The following PTPRQ variants were observed in gnomAD, a reference collection of about 807,000 sequenced individuals.
The protein encoded by PTPRQ is protein tyrosine phosphatase receptor type Q.
PTPRQ carries 199 observed loss-of-function variants against 246.0 expected under a neutral mutation model. The ratio of observed to expected loss-of-function variants is 0.81; its 90% CI spans 0.72 to 0.91. The LOEUF is 0.91. PTPRQ is among the 40% of genes least tolerant of loss of function. The pLI, the probability that PTPRQ is intolerant of heterozygous loss-of-function variation, is 0.00. For synonymous variants in PTPRQ, 869 were observed against 853.2 expected (o/e 1.02, Z -0.32); for missense variants, 2,624 against 2,528.4 (o/e 1.04, Z -0.81).
chr12:80,623,363 G>A (rs1899069183), intron 33 of PTPRQ, among the ~76,000 whole-genome samples: 1 of 152,106 alleles, frequency 6.6e-6, no homozygotes, highest in African/African-American at 2.4e-5. Context: ...TGGCTAAAAT[G>A]TTTGTTTAAT....
chr12:80,541,677 C>G lies in PTPRQ; in HGVS notation c.3277C>G (p.Gln1093Glu), dbSNP rs1025778801. The change falls in exon 21 of 45, where the codon CAG (glutamine) becomes GAG (glutamate). Residue 1093 changes from glutamine to glutamate, a missense_variant. Transcript: ENST00000644991. Reference protein sequence around the residue: ...LVFYYVSLILQQTPRHVRPPL... With the variant: ...LVFYYVSLILEQTPRHVRPPL... ...CTTCTACTATGTTTCACTGATCTTA[C>G]AGCAGACTCCTCGCCATGTGAGACC... 5.2e-6 allele frequency: 8 copies of G among 1,551,218 alleles called. No individual in the cohort carries two copies. Among genetic ancestry groups the G allele is most frequent in the Non-Finnish European group, 6.1e-6 (7 of 1,146,746 alleles).
intron 6 of PTPRQ, among the ~76,000 whole-genome samples, chr12:80,467,774 G>T (rs1168624471): frequency 2.6e-5 from 4 of 151,222 alleles, no homozygotes; most frequent in Non-Finnish European, 4.4e-5. Flanking sequence ...ACCAAACACC[G>T]CATATTCTCA....
intron 39 of PTPRQ, among the ~76,000 whole-genome samples, chr12:80,664,504 T>C (rs968990252): frequency 2.0e-5 from 3 of 152,022 alleles, no homozygotes; most frequent in African/African-American, 4.8e-5. Flanking sequence ...GAATTCTCCC[T>C]TCTGCATCAT....
At chr12:80,552,812 C>T (rs1265954427) in intron 25 of PTPRQ, among the ~76,000 whole-genome samples, 6 of 151,390 alleles carry the variant, frequency 4.0e-5, no homozygotes, top group Non-Finnish European at 8.8e-5. Flanking sequence ...GAACTATGTA[C>T]TTTCCTACTA....
intron 33 of PTPRQ, among the ~76,000 whole-genome samples, chr12:80,624,804 C>A (rs1296745506): frequency 1.3e-5 from 2 of 152,092 alleles, no homozygotes; most frequent in Admixed American, 6.5e-5. Context: ...CAGGGGTGTC[C>A]AATCTATTGG....
intron 25 of PTPRQ, among the ~76,000 whole-genome samples, chr12:80,569,162 A>C (rs547091847): frequency 6.8e-6 from 1 of 146,208 alleles, no homozygotes; most frequent in Non-Finnish European, 1.5e-5. Flanking sequence ...TTTTTAAAAA[A>C]TTTGTGTTCT....
chr12:80,534,772 A>G, intron 18 of PTPRQ, 120 bp from the exon 19 acceptor site: 1 of 1,253,094 alleles, frequency 8.0e-7, no homozygotes, highest in Non-Finnish European at 1.1e-6. Flanking sequence ...TTCTAATTCA[A>G]GCTTTTTTGA....
chr12:80,679,223 A>G lies in PTPRQ; in HGVS notation c.*200A>G, dbSNP rs1901242372. ...CAGAATAATTATTTGTTTTGTACAGAATAAATATTATGCATTTTAAATGCT... is the reference window on the plus strand; with the variant it reads ...CAGAATAATTATTTGTTTTGTACAGGATAAATATTATGCATTTTAAATGCT... On this transcript the variant is annotated 3_prime_UTR_variant, in exon 45 of 45. Transcript: ENST00000644991. The G allele has an allele frequency of 4.0e-6, 2 of 504,010 alleles. No individual in the cohort carries two copies. Among genetic ancestry groups the G allele is most frequent in the Non-Finnish European group, 6.2e-6 (2 of 322,014 alleles). 31.2% of individuals were successfully genotyped at this position (504,010 alleles called of 1,614,324 possible).
At chr12:80,656,713 AT>A (rs1424931768) in intron 38 of PTPRQ, among the ~76,000 whole-genome samples, 2 of 152,224 alleles carry the variant, frequency 1.3e-5, no homozygotes, top group East Asian at 3.9e-4. Context: ...AGGCAGATGA[AT>A]TAATGGAAAA....
intron 3 of PTPRQ, among the ~76,000 whole-genome samples, chr12:80,455,067 G>T (rs554902680): frequency 1.3e-5 from 2 of 152,186 alleles, no homozygotes; most frequent in South Asian, 4.1e-4. Context: ...CAGCTACTCT[G>T]GGGGTTGAGG....
chr12:80,467,722 T>C (rs71463877), intron 6 of PTPRQ, among the ~76,000 whole-genome samples: 12,211 of 149,472 alleles, frequency 0.082, 579 homozygotes, highest in East Asian at 0.22. Context: ...ATGGATGAAA[T>C]TGGAAATCAT....
intron 16 of PTPRQ, among the ~76,000 whole-genome samples, chr12:80,507,989 G>A (rs1397419497): frequency 6.6e-6 from 1 of 151,916 alleles, no homozygotes; most frequent in Non-Finnish European, 1.5e-5. Flanking sequence ...CTAATGGTAA[G>A]AATTTGAGAT....
At chr12:80,480,708 C>A (rs1327686525) in intron 8 of PTPRQ, among the ~76,000 whole-genome samples, 2 of 152,172 alleles carry the variant, frequency 1.3e-5, no homozygotes, top group Non-Finnish European at 2.9e-5. Context: ...ACCGATCCCA[C>A]AGAAATACAA....
intron 35 of PTPRQ, among the ~76,000 whole-genome samples, chr12:80,648,057 G>A (rs1244582938): frequency 6.6e-6 from 1 of 151,350 alleles, no homozygotes; most frequent in East Asian, 1.9e-4. Context: ...TATTTATTAT[G>A]CTCTGTTTTT....
chr12:80,513,663 G>A (rs1304950042), intron 17 of PTPRQ, among the ~76,000 whole-genome samples: 1 of 151,966 alleles, frequency 6.6e-6, no homozygotes, highest in Non-Finnish European at 1.5e-5. Context: ...TCTCTACCCC[G>A]CACTTCCCTG....
At chr12:80,447,140 A>G (rs2120392590) in intron 3 of PTPRQ, among the ~76,000 whole-genome samples, 1 of 152,006 alleles carries the variant, frequency 6.6e-6, no homozygotes, top group East Asian at 1.9e-4. Flanking sequence ...TTTAATTTAC[A>G]TTTCTTTGAT....
In PTPRQ at chr12:80,552,109, C is replaced by T. The variant is rs141920022; in HGVS notation, c.4285+2375C>T. On this transcript the variant is annotated intron_variant, in intron 25 of 44. Transcript: ENST00000644991. ...CTTAAGAATCCATGCACTTAAGAAT[C>T]TCTCTAGGTAATTCCGATATTCTGT... is the stretch of plus-strand genomic sequence containing the variant. Among the ~76,000 whole-genome samples the T allele has an allele frequency of 9.2e-5, 14 of 152,190 alleles. 1 individual carries two copies. Among genetic ancestry groups the T allele is most frequent in the African/African-American group, 3.4e-4 (14 of 41,532 alleles).
intron 3 of PTPRQ, among the ~76,000 whole-genome samples, chr12:80,455,660 G>A (rs1302822308): frequency 1.3e-5 from 2 of 150,448 alleles, no homozygotes; most frequent in Admixed American, 6.6e-5. Flanking sequence ...GCCCGATCTC[G>A]GCTCACTGCA....
intron 25 of PTPRQ, among the ~76,000 whole-genome samples, chr12:80,555,002 C>A (rs1896603937): frequency 6.6e-6 from 1 of 152,084 alleles, no homozygotes; most frequent in African/African-American, 2.4e-5. Flanking sequence ...CAGCCTCCAC[C>A]TCTCAGGTTC....
Sources: allele counts gnomAD v4.1 joint callset (sites outside exome capture counted in the v4.1 genomes callset), GRCh38; gene constraint gnomAD v4.1.1; transcripts MANE v1.5; gene names NCBI Gene and HGNC (gene_info 2026-07-23, HGNC 2026-07-21).